Variants in NAV3 observed in about 807,000 individuals in gnomAD.
NAV3 encodes the protein pore membrane and/or filament interacting like protein 1.
A neutral mutation model predicts 244.7 loss-of-function variants in NAV3; 87 were observed. The ratio of observed to expected loss-of-function variants is 0.36; its 90% confidence interval spans 0.30 to 0.42. The LOEUF (loss-of-function observed/expected upper bound fraction) is 0.42. NAV3 is among the 20% of genes least tolerant of loss of function. The probability of loss-of-function intolerance (pLI) is 1.00; values close to 1 mark genes in which losing one functional copy is unlikely to be tolerated. For synonymous variants in NAV3, 1,126 were observed against 1,042.2 expected (o/e 1.08, Z -1.55); for missense variants, 2,663 against 2,893.3 (o/e 0.92, Z 1.83).
intron 2 of NAV3, among the ~76,000 whole-genome samples, chr12:77,727,857 T>G (rs757759852): frequency 1.1e-4 from 16 of 151,930 alleles, no homozygotes; most frequent in South Asian, 6.2e-4. Flanking sequence ...CAACTGCTAT[T>G]GCCAAGTACT....
chr12:77,989,401 C>T (rs914521522), intron 5 of NAV3, among the ~76,000 whole-genome samples: 1 of 152,166 alleles, frequency 6.6e-6, no homozygotes, highest in Non-Finnish European at 1.5e-5. Flanking sequence ...TTAGGCCAAA[C>T]CAAACTGTTT....
intron 2 of NAV3, among the ~76,000 whole-genome samples, chr12:77,596,139 G>T (rs1226609705): frequency 6.6e-6 from 1 of 152,112 alleles, no homozygotes; most frequent in Non-Finnish European, 1.5e-5. Flanking sequence ...CCATATCACA[G>T]CTCTGGTACT....
intron 2 of NAV3, among the ~76,000 whole-genome samples, chr12:77,719,382 T>C (rs755341049): frequency 1.3e-5 from 2 of 151,912 alleles, no homozygotes. Flanking sequence ...TTGCCCTTTT[T>C]CTAAGGCAAA....
chr12:77,785,613 C>G (rs1040310440), intron 2 of NAV3, among the ~76,000 whole-genome samples: 2 of 152,018 alleles, frequency 1.3e-5, no homozygotes, highest in South Asian at 4.2e-4. Context: ...AACTGATTTT[C>G]GAGGGTCAAG....
chr12:77,990,048 A>T (rs1274316000), intron 5 of NAV3, among the ~76,000 whole-genome samples: 1 of 128,748 alleles, frequency 7.8e-6, no homozygotes, highest in African/African-American at 3.3e-5. Context: ...AATTAAGTAT[A>T]TATCTGTGAA....
chr12:77,775,496 C>T (rs946897413), intron 2 of NAV3, among the ~76,000 whole-genome samples: 3 of 152,014 alleles, frequency 2.0e-5, no homozygotes, highest in African/African-American at 7.2e-5. Flanking sequence ...ATGGAGCTCA[C>T]CTTACAATAT....
In NAV3 at chr12:78,007,222, T is replaced by G; in HGVS notation, c.1684T>G (p.Ser562Ala). Residue 562 changes from serine to alanine, a missense_variant, in exon 8 of 40, where the codon TCC (serine) becomes GCC (alanine). This residue lies in a region of NAV3 where 1,521 missense variants were observed against 1,497.0 expected (regional missense o/e 1.02). Coordinates refer to ENST00000397909, the MANE Select transcript of NAV3 (RefSeq NM_001024383.2). ...EKFRTTKGSP[S>A]QSLSKPITME... is the part of the protein sequence containing the mutation. Reference sequence around the variant, plus strand: ...ATTCAGGACTACCAAGGGGAGCCCTTCCCAGTCCTTATCTAAGCCTATAAC... The same window carrying G: ...ATTCAGGACTACCAAGGGGAGCCCTGCCCAGTCCTTATCTAAGCCTATAAC... 1 of 1,614,182 alleles carries G rather than the reference T, an allele frequency of 6.2e-7. No homozygotes were observed. The highest frequency in any genetic ancestry group is 2.2e-5 in the East Asian group (1 of 44,872).
At chr12:78,127,385 G>A (rs1038767163) in intron 17 of NAV3, among the ~76,000 whole-genome samples, 177 bp downstream of exon 17, 3 of 152,136 alleles carry the variant, frequency 2.0e-5, no homozygotes, top group Non-Finnish European at 4.4e-5. Flanking sequence ...CTTAGGTAGA[G>A]ATACTAGTAG....
chr12:77,653,080 G>A (rs889785636), intron 2 of NAV3, among the ~76,000 whole-genome samples: 1 of 152,122 alleles, frequency 6.6e-6, no homozygotes, highest in African/African-American at 2.4e-5. Context: ...ACTGTAAAAC[G>A]GGTCAGAGCC....
chr12:78,160,830 A>T (rs370245), intron 23 of NAV3, among the ~76,000 whole-genome samples: 56,706 of 151,422 alleles, frequency 0.37, 10,696 homozygotes, highest in Middle Eastern at 0.46. Context: ...TTTGAAACAT[A>T]AATTTTCCTT....
chr12:78,185,326 A>G (rs1958666014), intron 30 of NAV3, among the ~76,000 whole-genome samples: 1 of 151,862 alleles, frequency 6.6e-6, no homozygotes, highest in Admixed American at 6.6e-5. Flanking sequence ...TGTGTAATAG[A>G]AAAAGAAAAT....
rs189698963 is a variant in NAV3 at position 78,021,872 on chromosome 12, C to T, written c.2023+10C>T. On this transcript the variant is annotated intron_variant, in intron 9 of 39. Coordinates refer to ENST00000397909, the MANE Select transcript of NAV3 (RefSeq NM_001024383.2). Reference sequence around the variant, plus strand: ...CTGGAGGAGATATCTGGTAAGTGACCTCATCGATGCATAGGTCAAACCTAG... The same window carrying T: ...CTGGAGGAGATATCTGGTAAGTGACTTCATCGATGCATAGGTCAAACCTAG... The T allele has an allele frequency of 2.1e-3, 3,217 of 1,535,008 alleles. 4 individuals carry two copies. Among genetic ancestry groups the T allele is most frequent in the Non-Finnish European group, 2.6e-3 (2,887 of 1,116,388 alleles).
rs890784016 is a variant in NAV3, at chr12:78,052,418, A to G, written c.2516+1271A>G. On this transcript the variant is annotated intron_variant, in intron 11 of 39. Transcript: ENST00000397909. ...AGAGTGCCTAGTTTGAATCTCTCCC[A>G]TTCACTATCTGTGGACCCCTTCGGA... is the stretch of plus-strand genomic sequence containing the variant. Among the ~76,000 whole-genome samples, 3 of 152,138 alleles carry G rather than the reference A, an allele frequency of 2.0e-5. No homozygotes were observed. In the East Asian group the frequency reaches 5.8e-4, roughly 29 times the overall value.
chr12:77,835,568 A>C (rs1319913779), intron 1 of NAV3, among the ~76,000 whole-genome samples: 1 of 152,228 alleles, frequency 6.6e-6, no homozygotes, highest in East Asian at 1.9e-4. Flanking sequence ...GGTAAAGTAC[A>C]TCACCATTTC....
intron 2 of NAV3, among the ~76,000 whole-genome samples, chr12:77,715,195 T>A (rs1245012184): frequency 6.6e-6 from 1 of 151,998 alleles, no homozygotes; most frequent in Non-Finnish European, 1.5e-5. Flanking sequence ...GTAGAAAGCA[T>A]AATTTGACAA....
intron 12 of NAV3, among the ~76,000 whole-genome samples, chr12:78,111,569 C>T (rs1955094483): frequency 6.6e-6 from 1 of 152,194 alleles, no homozygotes; most frequent in South Asian, 2.1e-4. Context: ...TGAAATACTA[C>T]TAGATAGGCT....
chr12:77,710,636 A>G (rs138712814), intron 2 of NAV3, among the ~76,000 whole-genome samples: 137 of 152,312 alleles, frequency 9.0e-4, no homozygotes, highest in African/African-American at 3.2e-3. Flanking sequence ...TAGCATATCA[A>G]TAAAAATGAT....
chr12:77,632,396 G>A (rs769037552), intron 2 of NAV3, among the ~76,000 whole-genome samples: 40 of 152,130 alleles, frequency 2.6e-4, no homozygotes, highest in Non-Finnish European at 5.1e-4. Flanking sequence ...CAATCATGGC[G>A]GATGGCAAGG....
chr12:78,063,579 C>T (rs1884596950), intron 12 of NAV3, among the ~76,000 whole-genome samples: 2 of 152,090 alleles, frequency 1.3e-5, no homozygotes, highest in East Asian at 3.9e-4. Context: ...GAAAGTTCCT[C>T]AGTTTAATGG....
Sources: gnomAD v4.1 joint callset for allele counts (sites outside exome capture counted in the v4.1 genomes callset) on GRCh38, gnomAD v4.1.1 for gene constraint, gnomAD v4.1.1 regional missense constraint, MANE v1.5 for transcripts, NCBI Gene and HGNC (gene_info 2026-07-23, HGNC 2026-07-21) for gene names.